Variants in KLHL41 observed in about 807,000 individuals in gnomAD.
KLHL41 encodes kelch like family member 41.
In KLHL41, 31 loss-of-function variants were observed where a neutral mutation model predicts 49.2. The ratio of observed to expected loss-of-function variants is 0.63; its 90% CI spans 0.47 to 0.85. The LOEUF is 0.85. Among genes scored for constraint, KLHL41 ranks in the 40% least tolerant of loss-of-function variants. The probability of loss-of-function intolerance (pLI) is 0.00; values close to 1 mark genes in which losing one functional copy is unlikely to be tolerated. For missense variants in KLHL41, 663 were observed against 726.7 expected, an observed-to-expected ratio of 0.91 and a Z score of 1.01; for synonymous variants, 218 against 258.5, an observed-to-expected ratio of 0.84 and a Z score of 1.50.
intron 4 of KLHL41, among the ~76,000 whole-genome samples, chr2:169,520,025 GGT>G (rs1200715377): frequency 1.9e-3 from 283 of 152,066 alleles, no homozygotes; most frequent in Admixed American, 4.6e-3. Context: ...TTAAAGACAG[GGT>G]TTTGCTCTAT....
chr2:169,524,823 A>G (rs960373361), intron 5 of KLHL41, among the ~76,000 whole-genome samples: 3 of 152,064 alleles, frequency 2.0e-5, no homozygotes, highest in African/African-American at 7.2e-5. Context: ...TGGAGTGATA[A>G]TTGCTATAAT....
chr2:169,524,952 C>G (rs1325536000), intron 5 of KLHL41, among the ~76,000 whole-genome samples: 2 of 152,132 alleles, frequency 1.3e-5, no homozygotes, highest in African/African-American at 4.8e-5. Flanking sequence ...ATATTCCAGG[C>G]ACCAGGCAGA....
chr2:169,518,919 A>G (rs1478923666), intron 4 of KLHL41, among the ~76,000 whole-genome samples: 1 of 151,854 alleles, frequency 6.6e-6, no homozygotes. Context: ...GCCTCAAATG[A>G]TCCTCTCACG....
chr2:169,521,009 T>G lies in KLHL41; in HGVS notation c.1709+2T>G. ...CACTGAAGTCAATGACATATGGAAG[T>G]AAGTTCTCATCACTTCAATTTTCAG... On this transcript the variant is annotated splice_donor_variant, in intron 5 of 5. Transcript: ENST00000284669. LOFTEE classifies it high-confidence loss of function. 6.2e-7 allele frequency: 1 copy of G among 1,611,456 alleles called. No homozygotes were observed. Among genetic ancestry groups the G allele is most frequent in the Non-Finnish European group, 8.5e-7 (1 of 1,178,812 alleles).
At position 169,525,846 on chromosome 2, in the gene KLHL41, CTCAG is replaced by C; in HGVS notation, c.*154_*157del. ...AGAGATGAGCAGTAGGTAAGAAAACCTCAGTCATTGACTCTTCAATGTAATGATC... is the reference window on the plus strand; with the variant it reads ...AGAGATGAGCAGTAGGTAAGAAAACCTCATTGACTCTTCAATGTAATGATC... On this transcript the variant is annotated 3_prime_UTR_variant, in exon 6 of 6. Transcript: ENST00000284669. 2.0e-6 allele frequency: 1 copy of C among 499,906 alleles called. No individual in the cohort carries two copies. The highest frequency in any genetic ancestry group is 3.6e-6 in the Non-Finnish European group (1 of 281,382). 31.0% of individuals were successfully genotyped at this position (499,906 alleles called of 1,614,324 possible).
Position 169,510,446 on chromosome 2 carries a change from G to A in KLHL41, c.668G>A (p.Arg223His), listed in dbSNP as rs781142922. ...KNLSEVFDCI[R>H]FRLMTEKYFK... is the part of the protein sequence containing the mutation. ...CTTAGTGAAGTGTTTGATTGTATCC[G>A]TTTTCGCCTTATGACAGAAAAATAT... The change falls in exon 1 of 6, where the codon CGT (arginine) becomes CAT (histidine). Residue 223 changes from arginine to histidine, a missense_variant. Transcript: ENST00000284669. This position sits in a 1 kb window ranked among gnomAD's most constrained non-coding sequence, Gnocchi z 4.2. The A allele has an allele frequency of 1.9e-6, 3 of 1,614,004 alleles. No individual in the cohort carries two copies. The highest frequency in any genetic ancestry group is 1.1e-5 in the South Asian group (1 of 91,070).
intron 1 of KLHL41, among the ~76,000 whole-genome samples, chr2:169,511,488 T>C (rs2105308534): frequency 6.6e-6 from 1 of 152,358 alleles, no homozygotes; most frequent in African/African-American, 2.4e-5. Flanking sequence ...TTAATTTCTT[T>C]TTCTTCTTCA....
Position 169,509,753 on chromosome 2 carries a change from C to G in KLHL41, c.-26C>G, listed in dbSNP as rs750552230. 1 of 1,591,640 alleles carries G rather than the reference C, an allele frequency of 6.3e-7. No individual in the cohort carries two copies. Among genetic ancestry groups the G allele is most frequent in the Non-Finnish European group, 8.5e-7 (1 of 1,173,096 alleles). ...CAAGGAGCTAAGGCCTTCAGTGTCC[C>G]CTTCCTTACCCAGGTTTCTCACAGA... On this transcript the variant is annotated 5_prime_UTR_variant, in exon 1 of 6. Coordinates refer to ENST00000284669, the MANE Select transcript of KLHL41 (RefSeq NM_006063.3).
intron 1 of KLHL41, among the ~76,000 whole-genome samples, chr2:169,513,527 T>A (rs1482903010): frequency 1.3e-5 from 2 of 152,196 alleles, no homozygotes; most frequent in Admixed American, 1.3e-4. Flanking sequence ...ATGTGGAGAT[T>A]AAACTTCTCA....
chr2:169,517,742 A>G (rs986957759), intron 3 of KLHL41, among the ~76,000 whole-genome samples: 1 of 152,212 alleles, frequency 6.6e-6, no homozygotes, highest in Non-Finnish European at 1.5e-5. Context: ...ATAAAATAAA[A>G]TGATCTATCA....
chr2:169,515,089 A>C lies in KLHL41; in HGVS notation c.1376+128A>C, dbSNP rs557710401. 11 of 575,646 alleles carry C rather than the reference A, an allele frequency of 1.9e-5. No individual in the cohort carries two copies. In the South Asian group the frequency reaches 2.3e-4, roughly 12 times the overall value. The allele number at this position is 575,646 out of a possible 1,614,324, so 35.7% of individuals were successfully genotyped here. On this transcript the variant is annotated intron_variant, in intron 3 of 5. Transcript: ENST00000284669. Reference sequence around the variant, plus strand: ...ACTCTTGTTGCCCAGGCTGGAGTGCAGTGGTGTGATCTCGGCTCACTGCAA... The same window carrying C: ...ACTCTTGTTGCCCAGGCTGGAGTGCCGTGGTGTGATCTCGGCTCACTGCAA...
At chr2:169,520,135 TACC>T (rs1299644915) in intron 4 of KLHL41, among the ~76,000 whole-genome samples, 1 of 149,930 alleles carries the variant, frequency 6.7e-6, no homozygotes, top group Non-Finnish European at 1.5e-5. Context: ...TATAGGGACA[TACC>T]ACCAGGCCTA....
rs864309595 is a variant in KLHL41, at chr2:169,520,937, A to G, written c.1639A>G (p.Ile547Val). The change falls in exon 5 of 6, where the codon ATT becomes GTT. Residue 547 changes from isoleucine (I) to valine (V), a missense_variant. Around this residue, in one of 3 missense-constraint regions of KLHL41, gnomAD observed 528 missense variants for 581.0 expected, o/e 0.91. Transcript: ENST00000284669. ...CAGCCTGGCTGGATCTCTGTATGCA[A>G]TTGGTGGTTTTGCTATGATTCAACT... is the stretch of plus-strand genomic sequence containing the variant. ...LVSLAGSLYA[I>V]GGFAMIQLES... is the part of the protein sequence containing the mutation. 2 of 1,613,852 alleles carry G rather than the reference A, an allele frequency of 1.2e-6. No individual in the cohort carries two copies. Among genetic ancestry groups the G allele is most frequent in the Non-Finnish European group, 1.7e-6 (2 of 1,179,844 alleles).
intron 5 of KLHL41, among the ~76,000 whole-genome samples, chr2:169,523,150 AG>A (rs1445032678): frequency 2.0e-5 from 3 of 152,174 alleles, no homozygotes; most frequent in Admixed American, 6.5e-5. Flanking sequence ...CTGCCCCTGC[AG>A]GGAACAGTTA....
At chr2:169,524,490 C>T (rs1042674135) in intron 5 of KLHL41, among the ~76,000 whole-genome samples, 7 of 150,222 alleles carry the variant, frequency 4.7e-5, no homozygotes, top group Admixed American at 2.7e-4. Context: ...CTCCGCCTCC[C>T]GGGTTCAAGC....
intron 4 of KLHL41, among the ~76,000 whole-genome samples, chr2:169,520,291 T>TGTGA: frequency 8.7e-6 from 1 of 114,876 alleles, no homozygotes; most frequent in South Asian, 4.0e-4. Flanking sequence ...TGTGTGTGTG[T>TGTGA]GTGTGTGTGT....
chr2:169,517,548 G>T (rs1684134842), intron 3 of KLHL41, among the ~76,000 whole-genome samples: 1 of 152,252 alleles, frequency 6.6e-6, no homozygotes, highest in African/African-American at 2.4e-5. Context: ...AGGTTGCGGT[G>T]AGCCAAGATC....
rs151212497 is a variant in KLHL41, at chr2:169,509,984, C to T, written c.206C>T (p.Ala69Val). 88 of 1,609,168 alleles carry T rather than the reference C, an allele frequency of 5.5e-5. No homozygotes were observed. In the African/African-American group the frequency reaches 7.1e-4, roughly 13 times the overall value. Residue 69 changes from alanine to valine, a missense_variant, in exon 1 of 6, where the codon GCG (alanine) becomes GTG (valine). Transcript: ENST00000284669. ...REYFLSEIDEAKKKEVVLDNV... is the reference protein window; with the variant it reads ...REYFLSEIDEVKKKEVVLDNV... ...TACTTTTTATCTGAAATTGATGAGG[C>T]GAAAAAAAAGGAGGTAGTGCTAGAC...
At chr2:169,514,043 G>A (rs577775904) in intron 1 of KLHL41, among the ~76,000 whole-genome samples, 1 of 152,198 alleles carries the variant, frequency 6.6e-6, no homozygotes, top group East Asian at 1.9e-4. Flanking sequence ...AAAACACAGA[G>A]AACCTAAAAT....
Sources: gnomAD v4.1 joint callset for allele counts (sites outside exome capture counted in the v4.1 genomes callset) on GRCh38, gnomAD v4.1.1 for gene constraint, gnomAD v4.1.1 regional missense constraint, Gnocchi (gnomAD v3.1) non-coding constraint, MANE v1.5 for transcripts, NCBI Gene and HGNC (gene_info 2026-07-23, HGNC 2026-07-21) for gene names.